The following CSMD2 variants were observed in gnomAD, a reference collection of about 807,000 sequenced individuals.
The protein encoded by CSMD2 is CUB and Sushi multiple domains 2, also known as CUB and sushi domain-containing protein 2.
A neutral mutation model predicts 398.5 loss-of-function variants in CSMD2; 130 were observed. The observed-to-expected ratio is 0.33, with a 90% CI of 0.28 to 0.38. The LOEUF is 0.38. CSMD2 is among the 10% of genes least tolerant of loss of function. The pLI is 1.00. For synonymous variants in CSMD2, 1,828 were observed against 1,908.5 expected, an observed-to-expected ratio of 0.96 and a Z score of 1.10; for missense variants, 3,829 against 4,764.9, an observed-to-expected ratio of 0.80 and a Z score of 5.78.
At chr1:33,706,249 C>T (rs1053733827) in intron 22 of CSMD2, among the ~76,000 whole-genome samples, 2 of 152,060 alleles carry the variant, frequency 1.3e-5, no homozygotes, top group African/African-American at 4.8e-5. Flanking sequence ...GATTGATTAT[C>T]CATTTTATTA....
chr1:34,074,048 C>G (rs1014188814), intron 2 of CSMD2, among the ~76,000 whole-genome samples: 4 of 152,188 alleles, frequency 2.6e-5, no homozygotes, highest in African/African-American at 9.7e-5. Flanking sequence ...CACTCACTAA[C>G]GTCAGGACAG....
intron 10 of CSMD2, among the ~76,000 whole-genome samples, chr1:33,800,290 G>A (rs1481205476): frequency 6.6e-6 from 1 of 152,148 alleles, no homozygotes; most frequent in African/African-American, 2.4e-5. Flanking sequence ...TAACTCCTGG[G>A]GTGAGGAGGA....
intron 1 of CSMD2, among the ~76,000 whole-genome samples, chr1:34,125,071 T>C (rs376831134): frequency 5.3e-5 from 8 of 152,256 alleles, no homozygotes; most frequent in African/African-American, 1.7e-4. Flanking sequence ...CCAGCTAACG[T>C]AATTAGAATA....
chr1:34,130,927 C>G (rs534226410), intron 1 of CSMD2, among the ~76,000 whole-genome samples: 76 of 152,176 alleles, frequency 5.0e-4, no homozygotes, highest in African/African-American at 1.8e-3. Flanking sequence ...CCATCCTATC[C>G]AGGAATCAAG....
At chr1:34,052,776 C>A (rs868704914) in intron 2 of CSMD2, among the ~76,000 whole-genome samples, 1 of 151,970 alleles carries the variant, frequency 6.6e-6, no homozygotes, top group Non-Finnish European at 1.5e-5. Context: ...TAAATATACA[C>A]GAGATTGAAT....
Position 33,825,699 on chromosome 1 carries a change from A to G in CSMD2, c.1109T>C (p.Val370Ala). Reference sequence around the variant, plus strand: ...CGGGCTGGCGGGCGGACACTTACACACAGACGTCTTCTGGCTGTTGTCTTT... The same window carrying G: ...CGGGCTGGCGGGCGGACACTTACACGCAGACGTCTTCTGGCTGTTGTCTTT... ...PSKDNSQKTS[V>A]LTQVGVSQGH... Residue 370 changes from valine to alanine, a missense_variant and splice_region_variant, in exon 7 of 71, where the codon GTG (valine) becomes GCG (alanine). This residue lies in a region of CSMD2 where 2,001 missense variants were observed against 2,567.1 expected (regional missense o/e 0.78). Coordinates refer to ENST00000373381, the MANE Select transcript of CSMD2 (RefSeq NM_001281956.2). 1.9e-6 allele frequency: 3 copies of G among 1,608,656 alleles called. No homozygotes were observed. Among genetic ancestry groups the G allele is most frequent in the Non-Finnish European group, 2.5e-6 (3 of 1,177,568 alleles).
intron 4 of CSMD2, among the ~76,000 whole-genome samples, chr1:33,926,930 CA>C (rs1366606973): frequency 1.3e-5 from 2 of 152,176 alleles, no homozygotes; most frequent in African/African-American, 4.8e-5. Flanking sequence ...GAAAACAGGA[CA>C]TTATCCTCTC....
chr1:34,121,022 C>G (rs1204504786), intron 1 of CSMD2, among the ~76,000 whole-genome samples: 3 of 152,138 alleles, frequency 2.0e-5, no homozygotes. Context: ...TTTGAATAAC[C>G]AGACATGCAG....
At chr1:33,980,844 T>C (rs1230360188) in intron 3 of CSMD2, among the ~76,000 whole-genome samples, 2 of 152,136 alleles carry the variant, frequency 1.3e-5, no homozygotes, top group African/African-American at 4.8e-5. Flanking sequence ...GTCTCTCTGA[T>C]AAAGTGGTAT....
chr1:34,132,924 T>C (rs1638290768), intron 1 of CSMD2, among the ~76,000 whole-genome samples: 1 of 151,572 alleles, frequency 6.6e-6, no homozygotes, highest in Non-Finnish European at 1.5e-5. Flanking sequence ...GAGCCAATTC[T>C]CATAATAAAT....
intron 21 of CSMD2, among the ~76,000 whole-genome samples, chr1:33,713,858 A>G (rs745620299): frequency 4.8e-4 from 73 of 152,148 alleles, no homozygotes; most frequent in Non-Finnish European, 9.4e-4. Context: ...GAGCAACCCT[A>G]GCTCCAGCAC....
chr1:34,049,398 T>C (rs1336012680), intron 2 of CSMD2, among the ~76,000 whole-genome samples: 5 of 152,176 alleles, frequency 3.3e-5, no homozygotes, highest in African/African-American at 7.2e-5. Flanking sequence ...TGCACATCTT[T>C]CAGGAGCACC....
At chr1:33,716,190 A>G in intron 20 of CSMD2, 96 bp downstream of exon 20, 2 of 1,034,278 alleles carry the variant, frequency 1.9e-6, no homozygotes, top group Non-Finnish European at 2.9e-6. Context: ...AGAGTGGATT[A>G]ATATCTATCT....
chr1:34,015,305 T>G (rs768740682), intron 3 of CSMD2, among the ~76,000 whole-genome samples: 2 of 152,186 alleles, frequency 1.3e-5, no homozygotes, highest in Non-Finnish European at 1.5e-5. Context: ...TACCCCTATT[T>G]TACAGTTGAG....
At chr1:33,899,404 G>A (rs878994915) in intron 5 of CSMD2, among the ~76,000 whole-genome samples, 1 of 152,218 alleles carries the variant, frequency 6.6e-6, no homozygotes, top group Admixed American at 6.5e-5. Context: ...AAGAGCAGAG[G>A]TTGGGAGGCA....
intron 7 of CSMD2, among the ~76,000 whole-genome samples, chr1:33,821,690 C>T (rs139746434): frequency 1.6e-4 from 24 of 152,224 alleles, no homozygotes; most frequent in Admixed American, 3.3e-4. Context: ...ATTTGGATAC[C>T]ATGGAAATGC....
At chr1:33,578,702 G>T (rs1638470646) in intron 48 of CSMD2, among the ~76,000 whole-genome samples, 1 of 152,234 alleles carries the variant, frequency 6.6e-6, no homozygotes, top group Non-Finnish European at 1.5e-5. Context: ...GACCAAAGGA[G>T]CAGGCAGATA....
intron 40 of CSMD2, among the ~76,000 whole-genome samples, chr1:33,612,505 T>C (rs563259358): frequency 6.6e-6 from 1 of 152,314 alleles, no homozygotes; most frequent in South Asian, 2.1e-4. Context: ...ATACTGTACA[T>C]ACAGTTTTTT....
chr1:33,869,925 A>AG (rs1284677186), intron 5 of CSMD2, among the ~76,000 whole-genome samples: 2 of 152,174 alleles, frequency 1.3e-5, no homozygotes, highest in Non-Finnish European at 2.9e-5. Flanking sequence ...TGCACTTGAG[A>AG]GGGGAATAAG....
Sources: allele counts gnomAD v4.1 joint callset (sites outside exome capture counted in the v4.1 genomes callset), GRCh38; gene constraint gnomAD v4.1.1; regional missense constraint gnomAD v4.1.1; transcripts MANE v1.5; gene names NCBI Gene and HGNC (gene_info 2026-07-23, HGNC 2026-07-21).